The following SCML2 variants were observed in gnomAD, a reference collection of about 807,000 sequenced individuals.
SCML2 encodes sex comb on midleg-like protein 2.
In SCML2, 6 loss-of-function variants were observed where a neutral mutation model predicts 48.4. The observed-to-expected ratio is 0.12, with a 90% CI of 0.07 to 0.24. The LOEUF is 0.24. Ranked by LOEUF, SCML2 falls within the 10% of genes least tolerant of loss-of-function variation. The probability of loss-of-function intolerance (pLI) is 1.00; values close to 1 mark genes in which losing one functional copy is unlikely to be tolerated. For synonymous variants in SCML2, 181 were observed against 189.5 expected, an observed-to-expected ratio of 0.95 and a Z score of 0.37; for missense variants, 377 against 528.2, an observed-to-expected ratio of 0.71 and a Z score of 2.81.
intron 6 of SCML2, among the ~76,000 whole-genome samples, chrX:18,317,014 T>C (rs979460172): frequency 6.2e-5 from 7 of 112,321 alleles, no homozygotes; most frequent in Non-Finnish European, 1.3e-4. Flanking sequence ...TGCCTTAGAA[T>C]ACCCTTTGGG....
chrX:18,248,294 T>C (rs1443478800), intron 11 of SCML2, among the ~76,000 whole-genome samples: 1 of 112,050 alleles, frequency 8.9e-6, no homozygotes. Context: ...GTAACAATCC[T>C]GGCCTAGAGC....
chrX:18,308,315 A>G (rs868659332), intron 6 of SCML2, among the ~76,000 whole-genome samples: 4 of 79,621 alleles, frequency 5.0e-5, no homozygotes, highest in South Asian at 2.1e-3. Context: ...GGGAGGGAGG[A>G]AGGAAGGGAG....
intron 7 of SCML2, among the ~76,000 whole-genome samples, chrX:18,279,012 C>A (rs1291784889): frequency 1.8e-5 from 2 of 112,464 alleles, no homozygotes; most frequent in African/African-American, 6.5e-5. Context: ...CACTGCAACC[C>A]CTGCCCGACA....
At chrX:18,353,003 A>C (rs1418865455) in intron 1 of SCML2, among the ~76,000 whole-genome samples, 1 of 110,980 alleles carries the variant, frequency 9.0e-6, no homozygotes, top group African/African-American at 3.3e-5. Flanking sequence ...ACATTCTATC[A>C]AACTGTTTTA....
Position 18,239,551 on chromosome X carries a change from C to A in SCML2, c.*1700G>T, listed in dbSNP as rs905055188. On this transcript the variant is annotated 3_prime_UTR_variant, in exon 15 of 15. Coordinates refer to ENST00000251900, the MANE Select transcript of SCML2 (RefSeq NM_006089.3). ...TTTGGTTTTCTAAAAAGAAAATGTA[C>A]ATTCTTGCCCCTGGTGAATATTTTA... is the stretch of plus-strand genomic sequence containing the variant. 8.9e-6 allele frequency: 1 copy of A among 112,606 alleles called. No homozygotes were observed. Among genetic ancestry groups the A allele is most frequent in the Non-Finnish European group, 1.9e-5 (1 of 53,304 alleles). 9.3% of individuals were successfully genotyped at this position (112,606 alleles called of 1,213,427 possible).
chrX:18,320,035 A>G (rs180829236), intron 6 of SCML2, among the ~76,000 whole-genome samples: 441 of 112,618 alleles, frequency 3.9e-3, no homozygotes, highest in Non-Finnish European at 6.8e-3. Flanking sequence ...ATAATATTCA[A>G]TGTTAGTGAA....
intron 7 of SCML2, among the ~76,000 whole-genome samples, chrX:18,275,965 C>A (rs745817456): frequency 2.7e-5 from 3 of 112,333 alleles, no homozygotes; most frequent in East Asian, 5.6e-4. Context: ...GACCCTTGTA[C>A]ACTGCTAGTG....
chrX:18,249,875 G>A (rs1275425746), intron 11 of SCML2, among the ~76,000 whole-genome samples: 1 of 110,832 alleles, frequency 9.0e-6, no homozygotes, highest in African/African-American at 3.3e-5. Flanking sequence ...GGCCAAGGCT[G>A]GGAGATACAC....
At chrX:18,308,626 C>A (rs1331750427) in intron 6 of SCML2, among the ~76,000 whole-genome samples, 1 of 110,235 alleles carries the variant, frequency 9.1e-6, no homozygotes, top group Admixed American at 9.7e-5. Context: ...ATCAAAAAGA[C>A]CAAAAAAATA....
At chrX:18,351,107 T>C (rs768392297) in intron 1 of SCML2, among the ~76,000 whole-genome samples, 11 of 110,343 alleles carry the variant, frequency 1.0e-4, no homozygotes, top group African/African-American at 3.3e-4. Context: ...CCGTCTCTAC[T>C]AAAAATGCAA....
At chrX:18,343,348 A>AG (rs1467844486) in intron 1 of SCML2, among the ~76,000 whole-genome samples, 2 of 108,532 alleles carry the variant, frequency 1.8e-5, no homozygotes, top group Non-Finnish European at 3.8e-5. Context: ...CAATTTCACT[A>AG]GGGAAAAAAA....
rs757109203 is a variant in SCML2, at chrX:18,274,225, C to G, written c.731-8423G>C. ...TACCCCCCTAGATGCTGCCATGGGG[C>G]CCCCATGGAGTTCACTCCTTCCAGC... On this transcript the variant is annotated intron_variant, in intron 7 of 14. Coordinates refer to ENST00000251900, the MANE Select transcript of SCML2 (RefSeq NM_006089.3). Among the ~76,000 whole-genome samples the G allele has an allele frequency of 1.6e-3, 177 of 111,601 alleles. 1 individual carries two copies. The Middle Eastern group carries it at 0.028, about 18-fold the overall frequency.
intron 7 of SCML2, among the ~76,000 whole-genome samples, chrX:18,278,914 G>A (rs1358907012): frequency 8.9e-6 from 1 of 112,955 alleles, no homozygotes; most frequent in African/African-American, 3.2e-5. Flanking sequence ...CCCTGAGAGG[G>A]GCAAGACATG....
intron 11 of SCML2, among the ~76,000 whole-genome samples, chrX:18,256,574 T>A (rs1240080261): frequency 8.9e-6 from 1 of 112,107 alleles, no homozygotes; most frequent in Admixed American, 9.4e-5. Flanking sequence ...TCAGTAACTT[T>A]AAAGCCATAC....
At chrX:18,319,734 T>G (rs1351717117) in intron 6 of SCML2, among the ~76,000 whole-genome samples, 2 of 111,993 alleles carry the variant, frequency 1.8e-5, no homozygotes, top group African/African-American at 6.5e-5. Context: ...ATTCATATGC[T>G]GAAGCACCAA....
intron 7 of SCML2, among the ~76,000 whole-genome samples, chrX:18,276,013 T>C (rs1927618086): frequency 8.9e-6 from 1 of 112,260 alleles, no homozygotes; most frequent in South Asian, 3.7e-4. Context: ...AAAAACAGTT[T>C]AGCAGCCGGG....
chrX:18,269,969 A>T (rs992869995), intron 7 of SCML2, among the ~76,000 whole-genome samples: 2 of 109,970 alleles, frequency 1.8e-5, no homozygotes, highest in African/African-American at 6.6e-5. Context: ...TATAATAAAA[A>T]TTTTTTGATG....
chrX:18,241,736 G>T (rs1425604046), intron 14 of SCML2, among the ~76,000 whole-genome samples: 1 of 111,739 alleles, frequency 8.9e-6, no homozygotes, highest in Non-Finnish European at 1.9e-5. Context: ...TTTCTGAGAA[G>T]GGCCAGGAAT....
intron 11 of SCML2, among the ~76,000 whole-genome samples, chrX:18,254,057 T>A (rs940693948): frequency 8.9e-6 from 1 of 111,880 alleles, no homozygotes; most frequent in African/African-American, 3.3e-5. Context: ...GCTTCTAGGG[T>A]ACTAGTAATA....
Sources: allele counts gnomAD v4.1 joint callset (sites outside exome capture counted in the v4.1 genomes callset), GRCh38; gene constraint gnomAD v4.1.1; transcripts MANE v1.5; gene names NCBI Gene and HGNC (gene_info 2026-07-23, HGNC 2026-07-21).